CLASP2: variants seen among roughly 807,000 people sequenced by gnomAD.
CLASP2 encodes cytoplasmic linker associated protein 2, also known as CLIP-associating protein 2.
A neutral mutation model predicts 194.4 loss-of-function variants in CLASP2; 47 were observed. The observed-to-expected ratio is 0.24, with a 90% confidence interval of 0.19 to 0.31. The LOEUF (loss-of-function observed/expected upper bound fraction) is 0.31, where lower values mean the gene tolerates loss of function less well. CLASP2 is among the 10% of genes least tolerant of loss of function. The pLI is 1.00. For missense variants in CLASP2, 1,445 were observed against 1,823.6 expected (o/e 0.79, Z 3.78); for synonymous variants, 619 against 633.5 (o/e 0.98, Z 0.34).
chr3:33,653,850 A>C (rs2083651345), intron 7 of CLASP2, among the ~76,000 whole-genome samples: 1 of 152,148 alleles, frequency 6.6e-6, no homozygotes, highest in South Asian at 2.1e-4. Context: ...TTAAAAAATT[A>C]TAATAATTTT....
chr3:33,619,576 C>A, intron 12 of CLASP2, 27 bp downstream of exon 12: 1 of 1,529,522 alleles, frequency 6.5e-7, no homozygotes, highest in Non-Finnish European at 8.8e-7. Flanking sequence ...GAGGAGGCAG[C>A]AGTAGAAAAC....
intron 16 of CLASP2, among the ~76,000 whole-genome samples, chr3:33,605,109 T>C (rs2073464002): frequency 6.6e-6 from 1 of 152,236 alleles, no homozygotes; most frequent in South Asian, 2.1e-4. Flanking sequence ...ATAAAATATC[T>C]TCCTTTAGAT....
intron 22 of CLASP2, 50 bp from the exon 23 acceptor site, chr3:33,581,978 A>C: frequency 7.5e-7 from 1 of 1,335,250 alleles, no homozygotes; most frequent in Non-Finnish European, 1.1e-6. Flanking sequence ...AACAGAACAG[A>C]GTTTGCATTT....
chr3:33,688,393 T>A (rs1294058963), intron 3 of CLASP2, 25 bp from the exon 4 acceptor site: 1 of 1,508,504 alleles, frequency 6.6e-7, no homozygotes, highest in Admixed American at 2.1e-5. Context: ...AGTAAAAACG[T>A]ATAACAAAAA....
intron 29 of CLASP2, among the ~76,000 whole-genome samples, chr3:33,552,513 T>A (rs1375606400): frequency 6.6e-6 from 1 of 152,220 alleles, no homozygotes; most frequent in Non-Finnish European, 1.5e-5. Context: ...AATTAAGATA[T>A]GCCTCATATA....
At chr3:33,670,228 G>A (rs1054269911) in intron 6 of CLASP2, among the ~76,000 whole-genome samples, 5 of 152,112 alleles carry the variant, frequency 3.3e-5, no homozygotes, top group Non-Finnish European at 7.4e-5. Context: ...AAACTATGGT[G>A]TTAGAAGTCA....
At chr3:33,609,241 C>G (rs1313787083) in intron 13 of CLASP2, among the ~76,000 whole-genome samples, 1 of 152,100 alleles carries the variant, frequency 6.6e-6, no homozygotes, top group East Asian at 1.9e-4. Context: ...GATCCTGCCA[C>G]TGTACTCCAG....
chr3:33,673,032 A>T (rs9870976), intron 6 of CLASP2, among the ~76,000 whole-genome samples: 32,362 of 151,986 alleles, frequency 0.21, 3,706 homozygotes, highest in Admixed American at 0.33. Context: ...GATATTATCC[A>T]GGAGAACTTC....
Position 33,696,943 on chromosome 3 carries a change from A to C in CLASP2, c.196-10T>G, listed in dbSNP as rs1469086413. 1.9e-5 allele frequency: 29 copies of C among 1,498,916 alleles called. No homozygotes were observed. The highest frequency in any genetic ancestry group is 2.5e-5 in the Non-Finnish European group (27 of 1,091,060). The allele number at this position is 1,498,916 out of a possible 1,614,324, so 92.9% of individuals were successfully genotyped here. ...ATCCCATTAATGATACCTACAGATAAAAAGGGATTTTAATGAATATAAATT... is the reference window on the plus strand; with the variant it reads ...ATCCCATTAATGATACCTACAGATACAAAGGGATTTTAATGAATATAAATT... On this transcript the variant is annotated splice_polypyrimidine_tract_variant and intron_variant, in intron 1 of 38. Coordinates refer to ENST00000682230, the MANE Select transcript of CLASP2 (RefSeq NM_001365631.1).
chr3:33,675,937 T>C (rs951025333), intron 6 of CLASP2, among the ~76,000 whole-genome samples: 2 of 150,240 alleles, frequency 1.3e-5, no homozygotes, highest in Admixed American at 6.7e-5. Context: ...TTAAAGAGGA[T>C]ACAAACAAAT....
At chr3:33,616,731 T>C (rs2076231247) in intron 12 of CLASP2, among the ~76,000 whole-genome samples, 1 of 148,584 alleles carries the variant, frequency 6.7e-6, no homozygotes. Flanking sequence ...CCCACTATAC[T>C]TCCTTTTTTT....
intron 10 of CLASP2, among the ~76,000 whole-genome samples, chr3:33,626,204 T>C (rs981544915): frequency 6.6e-6 from 1 of 152,086 alleles, no homozygotes; most frequent in African/African-American, 2.4e-5. Flanking sequence ...ATAAAAGCCA[T>C]ATTTGTCAAA....
At position 33,507,007 on chromosome 3, in the gene CLASP2, C is replaced by T. The variant is rs1438007733; in HGVS notation, c.4317+3551G>A. On this transcript the variant is annotated intron_variant, in intron 37 of 38. Transcript: ENST00000682230. ...AGGCTGGAGTGCAATGGCTCAATCTCAGCTCACTGCAACCTCTGCCTCCTA... is the reference window on the plus strand; with the variant it reads ...AGGCTGGAGTGCAATGGCTCAATCTTAGCTCACTGCAACCTCTGCCTCCTA... Among the ~76,000 whole-genome samples the T allele has an allele frequency of 2.0e-5, 3 of 149,574 alleles. No individual in the cohort carries two copies. The Admixed American group carries it at 2.0e-4, about 10-fold the overall frequency.
chr3:33,708,280 T>A (rs115195784), intron 1 of CLASP2, among the ~76,000 whole-genome samples: 147 of 151,040 alleles, frequency 9.7e-4, no homozygotes, highest in Middle Eastern at 3.4e-3. Flanking sequence ...ATCTATAAAT[T>A]TGACTTTTTT....
At chr3:33,659,492 T>TGAAAA in intron 7 of CLASP2, 1 of 768,598 alleles carries the variant, frequency 1.3e-6, no homozygotes, top group Non-Finnish European at 1.6e-6. Context: ...AAGGTTTTCA[T>TGAAAA]CCTTTTGTCG....
intron 34 of CLASP2, among the ~76,000 whole-genome samples, chr3:33,533,487 T>G (rs926719865): frequency 2.0e-5 from 3 of 152,214 alleles, no homozygotes; most frequent in African/African-American, 7.2e-5. Context: ...TTTAAAAATT[T>G]AAAAATATCT....
chr3:33,609,912 T>C (rs1271204670), intron 13 of CLASP2, among the ~76,000 whole-genome samples: 1 of 152,202 alleles, frequency 6.6e-6, no homozygotes, highest in Non-Finnish European at 1.5e-5. Context: ...GAGGTTAAAT[T>C]AACTTGCTCA....
intron 38 of CLASP2, among the ~76,000 whole-genome samples, chr3:33,501,397 C>A (rs1342763342): frequency 1.3e-5 from 2 of 152,068 alleles, no homozygotes; most frequent in African/African-American, 4.8e-5. Flanking sequence ...TATAAATAAC[C>A]AGAAGCTGCA....
chr3:33,718,225 C>T lies in CLASP2; in HGVS notation c.-223G>A, dbSNP rs1319472817. The T allele has an allele frequency of 1.2e-5, 3 of 241,848 alleles. No homozygotes were observed. Among genetic ancestry groups the T allele is most frequent in the Non-Finnish European group, 2.4e-5 (3 of 126,080 alleles). 15.0% of individuals were successfully genotyped at this position (241,848 alleles called of 1,614,324 possible). A position where few individuals can be genotyped will look rare whatever the true frequency, so the allele number is the denominator to read the frequency against. On this transcript the variant is annotated 5_prime_UTR_variant, in exon 1 of 39. Coordinates refer to ENST00000682230, the MANE Select transcript of CLASP2 (RefSeq NM_001365631.1). ...CCGATCCCCAGCCCGCTTCAGAGGC[C>T]GCGGCCGCGGGCGACGTCAGCACGC...
Sources: allele counts gnomAD v4.1 joint callset (sites outside exome capture counted in the v4.1 genomes callset), GRCh38; gene constraint gnomAD v4.1.1; transcripts MANE v1.5; gene names NCBI Gene and HGNC (gene_info 2026-07-23, HGNC 2026-07-21).